The following OCA2 variants were observed in gnomAD, a reference collection of about 807,000 sequenced individuals.
OCA2 encodes P protein.
In OCA2, 77 loss-of-function variants were observed where a neutral mutation model predicts 100.2. The ratio of observed to expected loss-of-function variants is 0.77; its 90% CI spans 0.64 to 0.93. OCA2 has a LOEUF of 0.93. OCA2 is among the 40% of genes least tolerant of loss of function. The pLI is 0.00. For missense variants in OCA2, 1,062 were observed against 1,089.1 expected, an observed-to-expected ratio of 0.98 and a Z score of 0.35; for synonymous variants, 432 against 439.2, an observed-to-expected ratio of 0.98 and a Z score of 0.21.
chr15:28,008,789 T>C (rs2042156526), intron 9 of OCA2, among the ~76,000 whole-genome samples: 1 of 152,242 alleles, frequency 6.6e-6, no homozygotes, highest in Admixed American at 6.5e-5. Context: ...GAGGAGGCCA[T>C]AGCCTGAGGC....
At chr15:27,936,340 T>C (rs1453568932) in intron 18 of OCA2, among the ~76,000 whole-genome samples, 1 of 152,170 alleles carries the variant, frequency 6.6e-6, no homozygotes, top group Non-Finnish European at 1.5e-5. Flanking sequence ...TAAGGTCTAT[T>C]ATAGCACCAT....
intron 1 of OCA2, among the ~76,000 whole-genome samples, chr15:28,095,774 G>A (rs180681661): frequency 4.0e-4 from 61 of 151,850 alleles, no homozygotes; most frequent in African/African-American, 1.4e-3. Context: ...ACATAATACC[G>A]GCAAGGAACG....
At chr15:28,093,049 C>T (rs1355075913) in intron 1 of OCA2, among the ~76,000 whole-genome samples, 8 of 151,818 alleles carry the variant, frequency 5.3e-5, no homozygotes, top group Admixed American at 5.2e-4. Context: ...ATGCACACGG[C>T]AACTAAGCAC....
At chr15:27,983,991 G>GAT (rs1451522391) in intron 13 of OCA2, among the ~76,000 whole-genome samples, 21 of 148,910 alleles carry the variant, frequency 1.4e-4, no homozygotes, top group South Asian at 2.2e-4. Context: ...AAACATACTA[G>GAT]ATATATATAT....
At chr15:28,082,016 C>T in intron 1 of OCA2, 121 bp from the exon 2 acceptor site, 4 of 801,282 alleles carry the variant, frequency 5.0e-6, no homozygotes, top group South Asian at 1.6e-5. Flanking sequence ...GTTCCAGCAT[C>T]CTAACCACGC....
At chr15:28,065,240 A>G (rs2043989921) in intron 2 of OCA2, among the ~76,000 whole-genome samples, 1 of 152,076 alleles carries the variant, frequency 6.6e-6, no homozygotes, top group Admixed American at 6.6e-5. Flanking sequence ...TTTTCTGAGC[A>G]TGCATCTCAC....
chr15:28,098,352 T>C (rs2045024125), intron 1 of OCA2, among the ~76,000 whole-genome samples: 1 of 152,244 alleles, frequency 6.6e-6, no homozygotes, highest in African/African-American at 2.4e-5. Context: ...CTCCTTGCCC[T>C]GGCAGGCCCC....
chr15:27,925,387 AC>A (rs2039007618), intron 19 of OCA2, among the ~76,000 whole-genome samples: 1 of 152,224 alleles, frequency 6.6e-6, no homozygotes, highest in Non-Finnish European at 1.5e-5. Flanking sequence ...ATGTCCTGTG[AC>A]CACAACTGAA....
Position 27,987,897 on chromosome 15 carries a change from C to G in OCA2, c.1183-1254G>C, listed in dbSNP as rs189590276. On this transcript the variant is annotated intron_variant, in intron 11 of 23. Transcript: ENST00000354638. Reference sequence around the variant, plus strand: ...AGTCCCAACAGACACTATTGTCTCTCAAATAAACTATAGAAAACAAAAATG... The same window carrying G: ...AGTCCCAACAGACACTATTGTCTCTGAAATAAACTATAGAAAACAAAAATG... Among the ~76,000 whole-genome samples, 627 of 152,254 alleles carry G rather than the reference C, an allele frequency of 4.1e-3. 2 individuals carry two copies. Among genetic ancestry groups the G allele is most frequent in the Non-Finnish European group, 7.3e-3 (498 of 68,020 alleles).
chr15:28,015,309 G>A (rs914125486), intron 8 of OCA2, among the ~76,000 whole-genome samples: 1 of 152,142 alleles, frequency 6.6e-6, no homozygotes, highest in Non-Finnish European at 1.5e-5. Context: ...GTGGGGAGAC[G>A]CACTACAGAC....
intron 2 of OCA2, among the ~76,000 whole-genome samples, chr15:28,076,848 C>T (rs1344604072): frequency 3.6e-5 from 4 of 111,724 alleles, no homozygotes; most frequent in African/African-American, 1.7e-4. Flanking sequence ...AGCGAGACTC[C>T]GTCTCAAAAA....
intron 1 of OCA2, among the ~76,000 whole-genome samples, chr15:28,089,745 T>G (rs2044840863): frequency 6.6e-6 from 1 of 152,032 alleles, no homozygotes; most frequent in Non-Finnish European, 1.5e-5. Context: ...AGTATATGGG[T>G]TCACATGGAC....
chr15:27,913,838 G>GGAAAGAAAGAAAGAAA (rs367919609), intron 19 of OCA2, among the ~76,000 whole-genome samples: 39 of 37,054 alleles, frequency 1.1e-3, no homozygotes, highest in Non-Finnish European at 1.3e-3. Flanking sequence ...AAGAAAGAAA[G>GGAAAGAAAGAAAGAAA]GAAAGAAAGA....
the OCA2 span, among the ~76,000 whole-genome samples, chr15:27,733,428 A>C: frequency 1.1e-3 from 169 of 152,262 alleles, no homozygotes; most frequent in Non-Finnish European, 1.9e-3. Flanking sequence ...TCAGTCTGTC[A>C]GCCACCCACG....
intron 2 of OCA2, among the ~76,000 whole-genome samples, chr15:28,044,699 G>A (rs968637158): frequency 1.2e-4 from 18 of 152,260 alleles, no homozygotes; most frequent in Middle Eastern, 6.8e-3. Flanking sequence ...CTGTTACTAA[G>A]TCCATATGCA....
intron 18 of OCA2, among the ~76,000 whole-genome samples, chr15:27,941,335 C>T (rs1240241704): frequency 6.6e-6 from 1 of 152,168 alleles, no homozygotes; most frequent in African/African-American, 2.4e-5. Context: ...ATAGAGACCA[C>T]TAACATTTCT....
At chr15:27,988,161 C>A (rs2041425387) in intron 11 of OCA2, among the ~76,000 whole-genome samples, 1 of 151,896 alleles carries the variant, frequency 6.6e-6, no homozygotes. Flanking sequence ...GTAAATGGTC[C>A]CATGGGTGGT....
At chr15:28,060,180 G>A (rs935046249) in intron 2 of OCA2, among the ~76,000 whole-genome samples, 3 of 152,154 alleles carry the variant, frequency 2.0e-5, no homozygotes, top group Non-Finnish European at 2.9e-5. Flanking sequence ...GGTGGGAAGT[G>A]TAGGTCCCCA....
rs188500919 is a variant in OCA2, at chr15:28,031,913, C to T, written c.326+152G>A. On this transcript the variant is annotated intron_variant, in intron 3 of 23. Transcript: ENST00000354638. ...ATTAATATCCACAGAATATAACCAC[C>T]GGAATCATGAACATCTACTACAATA... 5.5e-4 allele frequency: 394 copies of T among 712,020 alleles called. 1 individual carries two copies. Among genetic ancestry groups the T allele is most frequent in the East Asian group, 3.1e-3 (120 of 39,234 alleles). 44.1% of individuals were successfully genotyped at this position (712,020 alleles called of 1,614,324 possible). A position where few individuals can be genotyped will look rare whatever the true frequency, so the allele number is the denominator to read the frequency against.
Sources: gnomAD v4.1 joint callset for allele counts (sites outside exome capture counted in the v4.1 genomes callset) on GRCh38, gnomAD v4.1.1 for gene constraint, MANE v1.5 for transcripts, NCBI Gene and HGNC (gene_info 2026-07-23, HGNC 2026-07-21) for gene names.